Variants in RGS9 observed in about 807,000 individuals in gnomAD.
The protein encoded by RGS9 is regulator of G-protein signalling 9.
Under a neutral mutation model 102.0 loss-of-function variants are expected in RGS9, and 78 were observed. That is an observed-to-expected ratio of 0.76 (90% CI 0.64 to 0.92). The LOEUF (loss-of-function observed/expected upper bound fraction) is 0.92, where lower values mean the gene tolerates loss of function less well. RGS9 is among the 40% of genes least tolerant of loss of function. The pLI is 0.00. For missense variants in RGS9, 833 were observed against 866.1 expected (o/e 0.96, Z 0.48); for synonymous variants, 353 against 318.6 (o/e 1.11, Z -1.15).
chr17:65,188,056 T>C (rs1363151282), intron 9 of RGS9, among the ~76,000 whole-genome samples: 1 of 151,776 alleles, frequency 6.6e-6, no homozygotes, highest in East Asian at 1.9e-4. Context: ...AGTATAAGAG[T>C]CAGTACCAGC....
chr17:65,142,410 T>C (rs969519266), intron 1 of RGS9, among the ~76,000 whole-genome samples: 2 of 152,168 alleles, frequency 1.3e-5, no homozygotes, highest in Non-Finnish European at 2.9e-5. Context: ...GTTTATATGC[T>C]AGAAAGATGA....
Position 65,225,330 on chromosome 17 carries a change from C to A in RGS9, c.1736C>A (p.Ala579Asp), listed in dbSNP as rs1905604622. The change falls in exon 18 of 19, where the codon GCT (alanine) becomes GAT (aspartate). Residue 579 changes from alanine to aspartate, a missense_variant. By Grantham distance (126) the Ala-to-Asp change is moderately radical (BLOSUM62 -2). Coordinates refer to ENST00000262406, the MANE Select transcript of RGS9 (RefSeq NM_003835.4). ...RPRAPPKARM[A>D]LSFSRFLRRG... ...AGGGCCCCTCCTAAGGCCCGCATGG[C>A]TCTGTCCTTCAGCAGGTTTCTGAGA... 1 of 1,611,112 alleles carries A rather than the reference C, an allele frequency of 6.2e-7. No homozygotes were observed. Among genetic ancestry groups the A allele is most frequent in the East Asian group, 2.2e-5 (1 of 44,876 alleles).
intron 13 of RGS9, among the ~76,000 whole-genome samples, chr17:65,199,439 A>C (rs921757914): frequency 2.0e-5 from 3 of 149,370 alleles, no homozygotes; most frequent in African/African-American, 7.4e-5. Flanking sequence ...ACTTAGCATA[A>C]TGTTTTCAAG....
chr17:65,224,324 C>CACCT (rs946515825), intron 17 of RGS9, among the ~76,000 whole-genome samples: 1 of 152,228 alleles, frequency 6.6e-6, no homozygotes, highest in African/African-American at 2.4e-5. Flanking sequence ...CTCCACTGAA[C>CACCT]ACCTCCTCGC....
chr17:65,185,838 A>AC (rs1185611208), intron 9 of RGS9, among the ~76,000 whole-genome samples: 1 of 152,110 alleles, frequency 6.6e-6, no homozygotes, highest in African/African-American at 2.4e-5. Flanking sequence ...CCAAAGGGAG[A>AC]CCCCCTAGAG....
chr17:65,195,235 A>G (rs1912539067), intron 12 of RGS9, among the ~76,000 whole-genome samples: 1 of 152,138 alleles, frequency 6.6e-6, no homozygotes, highest in South Asian at 2.1e-4. Flanking sequence ...TTGTCCTAGG[A>G]GGGCTTGGGG....
At chr17:65,199,116 T>C (rs571007245) in intron 13 of RGS9, among the ~76,000 whole-genome samples, 1 of 152,344 alleles carries the variant, frequency 6.6e-6, no homozygotes, top group African/African-American at 2.4e-5. Context: ...AATCATCAAT[T>C]TGCTCATTTA....
intron 17 of RGS9, among the ~76,000 whole-genome samples, chr17:65,213,558 G>A (rs1172160397): frequency 6.6e-6 from 1 of 151,900 alleles, no homozygotes; most frequent in African/African-American, 2.4e-5. Flanking sequence ...TGGTGAGGGT[G>A]GTGGTGAGTG....
At chr17:65,191,476 G>A (rs1157679950) in intron 11 of RGS9, among the ~76,000 whole-genome samples, 1 of 151,970 alleles carries the variant, frequency 6.6e-6, no homozygotes, top group African/African-American at 2.4e-5. Flanking sequence ...TTGGGAGGCT[G>A]GGGTGGGCAG....
chr17:65,204,446 C>T, intron 15 of RGS9, 145 bp downstream of exon 15: 4 of 992,004 alleles, frequency 4.0e-6, no homozygotes, highest in Non-Finnish European at 6.1e-6. Flanking sequence ...CATGGGGGCT[C>T]ATGTCTGTAA....
At chr17:65,164,851 G>T (rs769294168) in intron 7 of RGS9, among the ~76,000 whole-genome samples, 2 of 152,162 alleles carry the variant, frequency 1.3e-5, no homozygotes, top group Admixed American at 6.5e-5. Context: ...TCTGGGTACT[G>T]TCTCACTTTA....
chr17:65,190,042 C>T (rs1912304675), intron 10 of RGS9, 133 bp from the exon 11 acceptor site: 1 of 783,486 alleles, frequency 1.3e-6, no homozygotes, highest in Non-Finnish European at 2.3e-6. Context: ...CCCACTGGTA[C>T]TGAGGGGGCT....
chr17:65,212,234 CAA>C (rs1598620152), intron 17 of RGS9, among the ~76,000 whole-genome samples: 1 of 152,314 alleles, frequency 6.6e-6, no homozygotes, highest in East Asian at 1.9e-4. Context: ...AGAGAAATTT[CAA>C]AGTCTCATGG....
intron 1 of RGS9, among the ~76,000 whole-genome samples, chr17:65,140,161 G>A (rs1910102298): frequency 6.6e-6 from 1 of 152,216 alleles, no homozygotes; most frequent in Admixed American, 6.5e-5. Context: ...GCACTAGGTG[G>A]TGAAACCAAG....
At chr17:65,151,359 G>A (rs76006470) in intron 1 of RGS9, among the ~76,000 whole-genome samples, 3,886 of 73,952 alleles carry the variant, frequency 0.053, 207 homozygotes, top group African/African-American at 0.38. Flanking sequence ...AAAAAAAAAA[G>A]AGTCCTTCAG....
intron 2 of RGS9, among the ~76,000 whole-genome samples, chr17:65,157,921 G>T (rs1397298674): frequency 6.6e-6 from 1 of 151,388 alleles, no homozygotes; most frequent in Non-Finnish European, 1.5e-5. Context: ...GTGTGTGTAT[G>T]TGTGTGTGTG....
At position 65,137,391 on chromosome 17, in the gene RGS9, G is replaced by C. The variant is rs1909944758; in HGVS notation, c.-150G>C. The C allele has an allele frequency of 4.0e-6, 3 of 746,626 alleles. No homozygotes were observed. The highest frequency in any genetic ancestry group is 7.0e-6 in the Non-Finnish European group (3 of 428,924). The allele number at this position is 746,626 out of a possible 1,614,324, so 46.3% of individuals were successfully genotyped here. ...TCCAAGTCAGCGGCGCCTAGTGAGA[G>C]TCAGGGGGGCCCGGCCCGCGCCCTC... is the stretch of plus-strand genomic sequence containing the variant. On this transcript the variant is annotated 5_prime_UTR_variant, in exon 1 of 19. Coordinates refer to ENST00000262406, the MANE Select transcript of RGS9 (RefSeq NM_003835.4).
intron 9 of RGS9, among the ~76,000 whole-genome samples, chr17:65,187,668 T>A (rs1912175349): frequency 6.6e-6 from 1 of 152,170 alleles, no homozygotes; most frequent in Non-Finnish European, 1.5e-5. Context: ...TTGGGTGGGT[T>A]AAGCAGCATG....
In RGS9 at chr17:65,227,508, A is replaced by C; in HGVS notation, c.*101A>C. On this transcript the variant is annotated 3_prime_UTR_variant, in exon 19 of 19. Coordinates refer to ENST00000262406, the MANE Select transcript of RGS9 (RefSeq NM_003835.4). Reference sequence around the variant, plus strand: ...CACACTTGCTCGAGAACCAAAGTGCATTTGGGTGACATTTGAAGATTGGGG... The same window carrying C: ...CACACTTGCTCGAGAACCAAAGTGCCTTTGGGTGACATTTGAAGATTGGGG... The C allele has an allele frequency of 6.8e-7, 1 of 1,467,308 alleles. No homozygotes were observed. The highest frequency in any genetic ancestry group is 2.5e-5 in the East Asian group (1 of 40,418). 90.9% of individuals were successfully genotyped at this position (1,467,308 alleles called of 1,614,324 possible). A position where few individuals can be genotyped will look rare whatever the true frequency, so the allele number is the denominator to read the frequency against.
Sources: allele counts gnomAD v4.1 joint callset (sites outside exome capture counted in the v4.1 genomes callset), GRCh38; gene constraint gnomAD v4.1.1; transcripts MANE v1.5; gene names NCBI Gene and HGNC (gene_info 2026-07-23, HGNC 2026-07-21).